IPO11: variants seen among roughly 807,000 people sequenced by gnomAD.
The protein encoded by IPO11 is importin 11, also known as importin-11.
Under a neutral mutation model 143.2 loss-of-function variants are expected in IPO11, and 66 were observed. The observed-to-expected ratio is 0.46, with a 90% CI of 0.38 to 0.57. The LOEUF (loss-of-function observed/expected upper bound fraction) is 0.57. Among genes scored for constraint, IPO11 ranks in the 20% least tolerant of loss-of-function variants. IPO11 has a pLI of 0.00. For synonymous variants in IPO11, 385 were observed against 377.8 expected (o/e 1.02, Z -0.22); for missense variants, 1,026 against 1,141.0 (o/e 0.90, Z 1.45).
intron 29 of IPO11, among the ~76,000 whole-genome samples, chr5:62,625,349 T>G (rs368099608): frequency 6.6e-5 from 10 of 152,210 alleles, no homozygotes; most frequent in African/African-American, 2.4e-4. Context: ...GATACACACT[T>G]CAACTAGAAC....
intron 29 of IPO11, among the ~76,000 whole-genome samples, chr5:62,612,146 A>G (rs1353050372): frequency 6.6e-6 from 1 of 152,152 alleles, no homozygotes; most frequent in African/African-American, 2.4e-5. Flanking sequence ...AAATTACGTT[A>G]CATTCTGTTC....
At chr5:62,542,301 T>G (rs1742984944) in intron 24 of IPO11, among the ~76,000 whole-genome samples, 1 of 152,100 alleles carries the variant, frequency 6.6e-6, no homozygotes, top group Non-Finnish European at 1.5e-5. Context: ...AATAAATGGA[T>G]GTTAAATCCT....
chr5:62,474,123 G>A (rs1745876712), intron 7 of IPO11, among the ~76,000 whole-genome samples: 1 of 152,118 alleles, frequency 6.6e-6, no homozygotes, highest in South Asian at 2.1e-4. Flanking sequence ...AAGCAGTAAG[G>A]AGAATAGAGA....
intron 27 of IPO11, chr5:62,580,548 T>A: frequency 6.4e-7 from 1 of 1,551,452 alleles, no homozygotes; most frequent in Non-Finnish European, 8.7e-7. Context: ...TTTTGGGCCT[T>A]CGAGACTGGC....
At chr5:62,607,876 C>G (rs1040107046) in intron 29 of IPO11, among the ~76,000 whole-genome samples, 8 of 151,538 alleles carry the variant, frequency 5.3e-5, no homozygotes, top group African/African-American at 1.9e-4. Context: ...TCACTGCAAC[C>G]TGCTATCTCA....
intron 27 of IPO11, among the ~76,000 whole-genome samples, chr5:62,588,242 T>TA (rs1387178676): frequency 6.6e-6 from 1 of 151,700 alleles, no homozygotes; most frequent in Non-Finnish European, 1.5e-5. Flanking sequence ...TTTTTTTTTT[T>TA]AATGTACAGT....
chr5:62,550,565 C>T, intron 25 of IPO11, 103 bp downstream of exon 25: 1 of 740,690 alleles, frequency 1.4e-6, no homozygotes, highest in Non-Finnish European at 2.1e-6. Flanking sequence ...TCATTTGGAT[C>T]ATATTAAATT....
chr5:62,551,422 A>C, intron 26 of IPO11, 86 bp downstream of exon 26: 1 of 739,408 alleles, frequency 1.4e-6, no homozygotes. Context: ...GTCTTTGTAA[A>C]AGTCGCTTTG....
intron 7 of IPO11, among the ~76,000 whole-genome samples, chr5:62,473,403 T>C (rs941296822): frequency 1.5e-4 from 23 of 152,184 alleles, no homozygotes; most frequent in African/African-American, 4.8e-4. Context: ...AGTTTTTTGA[T>C]GAGTCAGTGG....
intron 24 of IPO11, among the ~76,000 whole-genome samples, 194 bp downstream of exon 24, chr5:62,537,483 A>G (rs187197411): frequency 4.3e-4 from 65 of 152,274 alleles, no homozygotes; most frequent in African/African-American, 1.5e-3. Flanking sequence ...CACCTTCAAC[A>G]GGCAAGAGAT....
chr5:62,542,769 C>T (rs760633385), intron 24 of IPO11, among the ~76,000 whole-genome samples: 3 of 152,064 alleles, frequency 2.0e-5, no homozygotes, highest in Non-Finnish European at 4.4e-5. Flanking sequence ...AAATTGTTAA[C>T]ATTTCTCATA....
intron 24 of IPO11, among the ~76,000 whole-genome samples, chr5:62,541,354 A>C (rs1742930360): frequency 6.6e-6 from 1 of 150,980 alleles, no homozygotes; most frequent in Non-Finnish European, 1.5e-5. Flanking sequence ...CTGGGCAACA[A>C]GAGCGAAACG....
At chr5:62,560,665 A>G (rs1743739922) in intron 26 of IPO11, 2 of 152,364 alleles carry the variant, frequency 1.3e-5, no homozygotes, top group Non-Finnish European at 2.9e-5. Context: ...GTCTTAGGAA[A>G]TAATTCATTT....
chr5:62,507,259 C>A (rs1284142824), intron 19 of IPO11, among the ~76,000 whole-genome samples: 2 of 152,218 alleles, frequency 1.3e-5, no homozygotes, highest in Non-Finnish European at 2.9e-5. Context: ...CATAATGCGA[C>A]TCCCGTGGTA....
At chr5:62,439,406 C>G (rs962369927) in intron 2 of IPO11, among the ~76,000 whole-genome samples, 18 of 150,754 alleles carry the variant, frequency 1.2e-4, no homozygotes, top group African/African-American at 3.9e-4. Flanking sequence ...CGTGCCTCAG[C>G]CTCCTGAGTA....
At chr5:62,613,585 G>C (rs1746012625) in intron 29 of IPO11, among the ~76,000 whole-genome samples, 1 of 151,930 alleles carries the variant, frequency 6.6e-6, no homozygotes, top group African/African-American at 2.4e-5. Context: ...TTACAGGTGT[G>C]AGCCACCACG....
chr5:62,478,804 G>T (rs576510492), intron 9 of IPO11, among the ~76,000 whole-genome samples: 3 of 152,204 alleles, frequency 2.0e-5, no homozygotes, highest in Non-Finnish European at 4.4e-5. Context: ...GTAGTTAGAT[G>T]TAGAGGTTTA....
intron 20 of IPO11, among the ~76,000 whole-genome samples, chr5:62,524,963 T>G (rs1251227719): frequency 1.3e-5 from 2 of 152,218 alleles, no homozygotes. Context: ...TTTACCCGTT[T>G]TGTTTTCTTC....
chr5:62,536,636 TC>T, intron 22 of IPO11, 65 bp from the exon 23 acceptor site: 1 of 1,523,800 alleles, frequency 6.6e-7, no homozygotes, highest in Non-Finnish European at 8.8e-7. Context: ...ATGAATCACT[TC>T]ATTTAAACTA....
Sources: gnomAD v4.1 joint callset for allele counts (sites outside exome capture counted in the v4.1 genomes callset) on GRCh38, gnomAD v4.1.1 for gene constraint, MANE v1.5 for transcripts, NCBI Gene and HGNC (gene_info 2026-07-23, HGNC 2026-07-21) for gene names.